Variants in SEPTIN9 observed in about 807,000 individuals in gnomAD.
The protein encoded by SEPTIN9 is septin 9.
A neutral mutation model predicts 56.6 loss-of-function variants in SEPTIN9; 13 were observed. That is an observed-to-expected ratio of 0.23 (90% CI 0.15 to 0.37). SEPTIN9 has a LOEUF of 0.37. SEPTIN9 is among the 10% of genes least tolerant of loss of function. The probability of loss-of-function intolerance (pLI) is 1.00; values close to 1 mark genes in which losing one functional copy is unlikely to be tolerated. For missense variants in SEPTIN9, 650 were observed against 823.1 expected (o/e 0.79, Z 2.57); for synonymous variants, 332 against 334.1 (o/e 0.99, Z 0.07).
chr17:77,428,224 A>T (rs2036987673), intron 3 of SEPTIN9, among the ~76,000 whole-genome samples: 1 of 152,230 alleles, frequency 6.6e-6, no homozygotes, highest in African/African-American at 2.4e-5. Flanking sequence ...GAAGCAAGGT[A>T]TGAACACTGG....
intron 2 of SEPTIN9, among the ~76,000 whole-genome samples, chr17:77,351,655 G>T (rs1002065152): frequency 3.3e-5 from 5 of 152,376 alleles, no homozygotes; most frequent in Admixed American, 2.0e-4. Context: ...AGGTCAGAGA[G>T]CCGAGAAGGC....
intron 3 of SEPTIN9, among the ~76,000 whole-genome samples, chr17:77,459,061 G>A (rs1318161388): frequency 6.6e-6 from 1 of 152,186 alleles, no homozygotes; most frequent in African/African-American, 2.4e-5. Context: ...ACGGGGCCAC[G>A]GTCGGCCCCA....
intron 2 of SEPTIN9, among the ~76,000 whole-genome samples, chr17:77,321,001 T>G (rs941705097): frequency 6.6e-6 from 1 of 152,222 alleles, no homozygotes; most frequent in African/African-American, 2.4e-5. Context: ...TGCCTTTAGT[T>G]CACCCCAGCT....
At chr17:77,454,031 C>T (rs2038086772) in intron 3 of SEPTIN9, 1 of 955,208 alleles carries the variant, frequency 1.0e-6, no homozygotes, top group Non-Finnish European at 1.2e-6. Flanking sequence ...ATGTTTAGGG[C>T]TTCCGCCCTC....
In SEPTIN9 at chr17:77,479,966, T is replaced by C. The variant is rs530792818; in HGVS notation, c.722-2178T>C. On this transcript the variant is annotated intron_variant, in intron 3 of 11. Transcript: ENST00000427177. The stretch of plus-strand genomic sequence containing the variant: ...TGGTCCATGGCCAGATGCAGGGCTG[T>C]GTCTTTGTTTATTTAAAGGTCCTGG... 7.6e-4 allele frequency among the ~76,000 whole-genome samples: 116 copies of C among 152,162 alleles called. 3 individuals carry two copies. Among genetic ancestry groups the C allele is most frequent in the South Asian group, 8.3e-4 (4 of 4,824 alleles).
chr17:77,344,613 A>G (rs1208014835), intron 2 of SEPTIN9, among the ~76,000 whole-genome samples: 1 of 152,208 alleles, frequency 6.6e-6, no homozygotes, highest in Non-Finnish European at 1.5e-5. Context: ...CCAGGTGTCC[A>G]CCAGCGGATG....
chr17:77,352,199 C>T (rs2034085566), intron 2 of SEPTIN9, among the ~76,000 whole-genome samples: 1 of 151,188 alleles, frequency 6.6e-6, no homozygotes, highest in Non-Finnish European at 1.5e-5. Context: ...AGATCGAGAC[C>T]ATCCTGGCTA....
chr17:77,301,394 TTGTGTGTGTGTGTGTGTGTG>T (rs56947697), intron 1 of SEPTIN9, among the ~76,000 whole-genome samples: 8 of 142,518 alleles, frequency 5.6e-5, no homozygotes, highest in South Asian at 2.3e-4. Context: ...GGGAATAGAT[TTGTGTGTGTGTGTGTGTGTG>T]TGTGTGTGTG....
chr17:77,422,098 T>C (rs974198513), intron 3 of SEPTIN9, among the ~76,000 whole-genome samples: 1 of 152,192 alleles, frequency 6.6e-6, no homozygotes. Context: ...GCTTAAATGA[T>C]CCTCCTGCCT....
chr17:77,420,558 T>A (rs1036111315), intron 3 of SEPTIN9, among the ~76,000 whole-genome samples: 1 of 151,654 alleles, frequency 6.6e-6, no homozygotes, highest in Non-Finnish European at 1.5e-5. Flanking sequence ...TCCAGAGGAG[T>A]CTTTCTCAGT....
At chr17:77,496,546 A>G (rs2040267455) in intron 10 of SEPTIN9, among the ~76,000 whole-genome samples, 1 of 152,152 alleles carries the variant, frequency 6.6e-6, no homozygotes. Flanking sequence ...GCGTGTTCAT[A>G]TAGGAGTTAC....
In SEPTIN9 at chr17:77,487,366, G is replaced by GCAGA; in HGVS notation, c.914-56_914-53dup. 1 of 1,553,188 alleles carries GCAGA rather than the reference G, an allele frequency of 6.4e-7. No individual in the cohort carries two copies. Among genetic ancestry groups the GCAGA allele is most frequent in the Non-Finnish European group, 8.7e-7 (1 of 1,148,346 alleles). On this transcript the variant is annotated intron_variant, in intron 4 of 11. Transcript: ENST00000427177. The surrounding 1 kb of genome is among the most constrained non-coding windows in gnomAD (Gnocchi z 4.3). Reference sequence around the variant, plus strand: ...TGCCTGGGTGGGAGGGGCCCCATGTGCAGACCCTGCTGGTCTCTCCGGAGA... The same window carrying GCAGA: ...TGCCTGGGTGGGAGGGGCCCCATGTGCAGACAGACCCTGCTGGTCTCTCCGGAGA...
In SEPTIN9 at chr17:77,434,489, G is replaced by A. The variant is rs761249861; in HGVS notation, c.721+31786G>A. Among the ~76,000 whole-genome samples the A allele has an allele frequency of 3.3e-5, 5 of 152,206 alleles. No individual in the cohort carries two copies. The highest frequency in any genetic ancestry group is 7.3e-5 in the Non-Finnish European group (5 of 68,038). On this transcript the variant is annotated intron_variant, in intron 3 of 11. Coordinates refer to ENST00000427177, the MANE Select transcript of SEPTIN9 (RefSeq NM_001113491.2). The surrounding 1 kb of genome is among the most constrained non-coding windows in gnomAD (Gnocchi z 5.0). ...AGCCCGTACTGCCTCTGAGTCTGCA[G>A]CCTGTTTTCCTTACCAGGTGGCTAA...
At chr17:77,294,388 C>G (rs2031710536) in intron 1 of SEPTIN9, 1 of 152,728 alleles carries the variant, frequency 6.5e-6, no homozygotes, top group Non-Finnish European at 1.5e-5. Context: ...CCATTGCACT[C>G]CAGCCTGGGC....
intron 1 of SEPTIN9, among the ~76,000 whole-genome samples, chr17:77,303,347 G>A (rs543558109): frequency 4.1e-4 from 61 of 149,230 alleles, no homozygotes; most frequent in African/African-American, 1.3e-3. Flanking sequence ...ACTGGCCCAC[G>A]TCAGCCTCCC....
intron 4 of SEPTIN9, among the ~76,000 whole-genome samples, chr17:77,485,278 ATGG>A (rs948759360): frequency 6.0e-5 from 4 of 66,818 alleles, no homozygotes; most frequent in African/African-American, 1.9e-4. Context: ...GATGTGGGTG[ATGG>A]TGGTGTTGAT....
At chr17:77,372,934 G>C (rs776253303) in intron 2 of SEPTIN9, among the ~76,000 whole-genome samples, 5 of 152,186 alleles carry the variant, frequency 3.3e-5, no homozygotes, top group Non-Finnish European at 7.4e-5. Context: ...ACTTTGTTTG[G>C]CTGCCCAAAT....
chr17:77,307,348 C>T (rs540878325), intron 2 of SEPTIN9, among the ~76,000 whole-genome samples, 151 bp downstream of exon 2: 4 of 152,330 alleles, frequency 2.6e-5, no homozygotes, highest in South Asian at 4.1e-4. Context: ...CAGTCTTTGA[C>T]GGCTTTGGAC....
At chr17:77,332,417 G>A (rs1598206272) in intron 2 of SEPTIN9, among the ~76,000 whole-genome samples, 2 of 152,124 alleles carry the variant, frequency 1.3e-5, no homozygotes, top group East Asian at 3.9e-4. Flanking sequence ...CAGCATCCAC[G>A]CTGGTTTTGA....
Sources: gnomAD v4.1 joint callset for allele counts (sites outside exome capture counted in the v4.1 genomes callset) on GRCh38, gnomAD v4.1.1 for gene constraint, Gnocchi (gnomAD v3.1) non-coding constraint, MANE v1.5 for transcripts, NCBI Gene and HGNC (gene_info 2026-07-23, HGNC 2026-07-21) for gene names.